Variants in MKLN1 observed in about 807,000 individuals in gnomAD.
MKLN1 encodes the protein muskelin.
A neutral mutation model predicts 99.0 loss-of-function variants in MKLN1; 18 were observed. The ratio of observed to expected loss-of-function variants is 0.18; its 90% CI spans 0.13 to 0.27. The LOEUF is 0.27. Ranked by LOEUF, MKLN1 falls within the 10% of genes least tolerant of loss-of-function variation. The pLI, the probability that MKLN1 is intolerant of heterozygous loss-of-function variation, is 1.00. For synonymous variants in MKLN1, 288 were observed against 293.2 expected (o/e 0.98, Z 0.18); for missense variants, 621 against 875.9 (o/e 0.71, Z 3.67).
intron 1 of MKLN1, among the ~76,000 whole-genome samples, chr7:131,357,777 C>T (rs918785204): frequency 6.6e-6 from 1 of 152,050 alleles, no homozygotes; most frequent in African/African-American, 2.4e-5. Context: ...CAGGATGCTC[C>T]AGGCTCATCT....
intron 1 of MKLN1, among the ~76,000 whole-genome samples, chr7:131,372,722 T>G (rs1793502230): frequency 7.6e-6 from 1 of 131,034 alleles, no homozygotes; most frequent in African/African-American, 2.8e-5. Context: ...ATCCCCTAGG[T>G]TTTTTTTTTT....
chr7:131,480,231 GT>G (rs1408057016), intron 17 of MKLN1, among the ~76,000 whole-genome samples: 1 of 152,084 alleles, frequency 6.6e-6, no homozygotes, highest in African/African-American at 2.4e-5. Context: ...TGCTGGTGCA[GT>G]TATTATTTGC....
intron 16 of MKLN1, chr7:131,478,402 C>T: frequency 2.4e-6 from 1 of 414,760 alleles, no homozygotes; most frequent in Non-Finnish European, 4.2e-6. Context: ...AGGACATGGC[C>T]CAGTATTTTA....
intron 8 of MKLN1, among the ~76,000 whole-genome samples, chr7:131,415,521 AATT>A (rs1281544895): frequency 6.6e-6 from 1 of 152,176 alleles, no homozygotes; most frequent in Non-Finnish European, 1.5e-5. Flanking sequence ...TAAGAAGAGA[AATT>A]ATAATTTTTA....
At chr7:131,242,723 T>A in intron 3 of MKLN1, 1 of 687,352 alleles carries the variant, frequency 1.5e-6, no homozygotes, top group Non-Finnish European at 2.8e-6. Context: ...CTCTGGTGGC[T>A]GGAATTGACC....
chr7:131,220,453 G>A (rs200599790), intron 3 of MKLN1, among the ~76,000 whole-genome samples: 5 of 33,132 alleles, frequency 1.5e-4, no homozygotes, highest in Non-Finnish European at 1.3e-4. Context: ...CAATGCCCAC[G>A]CAAGTCAATA....
chr7:131,263,430 T>G (rs918836973), intron 3 of MKLN1, among the ~76,000 whole-genome samples: 3 of 151,404 alleles, frequency 2.0e-5, no homozygotes, highest in African/African-American at 7.3e-5. Flanking sequence ...GAGGCTGAGG[T>G]GGGAAGACTG....
At chr7:131,239,570 G>A (rs998388209) in intron 3 of MKLN1, among the ~76,000 whole-genome samples, 7 of 151,962 alleles carry the variant, frequency 4.6e-5, no homozygotes, top group Non-Finnish European at 1.0e-4. Context: ...TTCCCACCTC[G>A]GTCTCCTAAA....
intron 3 of MKLN1, among the ~76,000 whole-genome samples, chr7:131,277,886 T>G (rs770934961): frequency 1.3e-5 from 2 of 152,186 alleles, no homozygotes; most frequent in Non-Finnish European, 2.9e-5. Context: ...CCTCCCAATA[T>G]GTACACCTTT....
chr7:131,349,322 A>C (rs1362199413), intron 1 of MKLN1, among the ~76,000 whole-genome samples: 1 of 151,868 alleles, frequency 6.6e-6, no homozygotes, highest in Admixed American at 6.6e-5. Flanking sequence ...CAGCCTCCTG[A>C]GTAGCTGGGA....
At chr7:131,275,536 T>TTG (rs1320994723) in intron 3 of MKLN1, among the ~76,000 whole-genome samples, 3 of 11,540 alleles carry the variant, frequency 2.6e-4, no homozygotes, top group African/African-American at 5.7e-4. Context: ...GCCCAGCTGA[T>TTG]ATATATATAT....
chr7:131,387,067 C>G (rs1234553139), intron 2 of MKLN1, 53 bp from the exon 3 acceptor site: 51 of 1,492,170 alleles, frequency 3.4e-5, no homozygotes, highest in Non-Finnish European at 4.5e-5. Flanking sequence ...TTAAAGTTGT[C>G]TAACATTTGT....
intron 3 of MKLN1, among the ~76,000 whole-genome samples, chr7:131,278,229 G>A (rs908778415): frequency 6.6e-6 from 1 of 151,784 alleles, no homozygotes; most frequent in Non-Finnish European, 1.5e-5. Context: ...GTAGAGACAG[G>A]GTTTTGCCAT....
Position 131,387,160 on chromosome 7 carries a change from A to C in MKLN1, c.209A>C (p.Asn70Thr). The part of the protein sequence containing the change: ...LKLERPAIVQ[N>T]ITFGKYEKTH... Reference sequence around the variant, plus strand: ...CTCGAAAGGCCTGCTATAGTTCAGAATATCACATTTGGAAAATATGAGAAA... The same window carrying C: ...CTCGAAAGGCCTGCTATAGTTCAGACTATCACATTTGGAAAATATGAGAAA... The change falls in exon 3 of 18, where the codon AAT becomes ACT. Residue 70 changes from asparagine (N) to threonine (T), a missense_variant. Asn to Thr is a moderately conservative substitution (Grantham distance 65). Coordinates refer to ENST00000352689, the MANE Select transcript of MKLN1 (RefSeq NM_013255.5). 6.2e-7 allele frequency: 1 copy of C among 1,612,690 alleles called. No individual in the cohort carries two copies. The highest frequency in any genetic ancestry group is 1.1e-5 in the South Asian group (1 of 90,822).
At chr7:131,122,739 G>A (rs1795391271) in intron 1 of MKLN1, among the ~76,000 whole-genome samples, 1 of 151,868 alleles carries the variant, frequency 6.6e-6, no homozygotes, top group African/African-American at 2.4e-5. Flanking sequence ...GTGTTGCTGC[G>A]GGCCGGGTGC....
chr7:131,128,637 TC>T (rs893790648), intron 1 of MKLN1, among the ~76,000 whole-genome samples: 15 of 152,328 alleles, frequency 9.8e-5, no homozygotes, highest in Middle Eastern at 6.8e-3. Context: ...AGATTTTTTT[TC>T]ATAGGGTCTT....
At chr7:131,206,850 CCT>C (rs1483276166) in intron 3 of MKLN1, among the ~76,000 whole-genome samples, 2 of 152,022 alleles carry the variant, frequency 1.3e-5, no homozygotes, top group African/African-American at 4.8e-5. Flanking sequence ...GCCCCCATGC[CCT>C]TCCTTACTAT....
intron 1 of MKLN1, among the ~76,000 whole-genome samples, chr7:131,128,117 G>A (rs1276394263): frequency 6.6e-6 from 1 of 151,276 alleles, no homozygotes; most frequent in Non-Finnish European, 1.5e-5. Flanking sequence ...AACCATATAT[G>A]AGCAGGCCCC....
intron 6 of MKLN1, among the ~76,000 whole-genome samples, chr7:131,402,460 G>A (rs939151002): frequency 6.6e-6 from 1 of 152,104 alleles, no homozygotes; most frequent in African/African-American, 2.4e-5. Flanking sequence ...TCTTGTTTAT[G>A]TTGATATTTT....
Sources: allele counts gnomAD v4.1 joint callset (sites outside exome capture counted in the v4.1 genomes callset), GRCh38; gene constraint gnomAD v4.1.1; transcripts MANE v1.5; gene names NCBI Gene and HGNC (gene_info 2026-07-23, HGNC 2026-07-21).